Variants in KCNH1 observed in about 807,000 individuals in gnomAD.
KCNH1 encodes the protein potassium voltage-gated channel subfamily H member 1.
KCNH1 carries 27 observed loss-of-function variants against 69.2 expected under a neutral mutation model. The ratio of observed to expected loss-of-function variants is 0.39; its 90% confidence interval spans 0.29 to 0.54. KCNH1 has a LOEUF of 0.54. Among genes scored for constraint, KCNH1 ranks in the 20% least tolerant of loss-of-function variants. The probability of loss-of-function intolerance (pLI) is 0.68; values close to 1 mark genes in which losing one functional copy is unlikely to be tolerated. For synonymous variants in KCNH1, 456 were observed against 487.7 expected (o/e 0.93, Z 0.86); for missense variants, 798 against 1,261.6 (o/e 0.63, Z 5.57).
At chr1:210,927,710 C>A (rs1558528979) in intron 6 of KCNH1, among the ~76,000 whole-genome samples, 1 of 152,060 alleles carries the variant, frequency 6.6e-6, no homozygotes, top group Non-Finnish European at 1.5e-5. Flanking sequence ...CCTCAAATAT[C>A]AATACTAACA....
intron 7 of KCNH1, among the ~76,000 whole-genome samples, chr1:210,838,534 A>G (rs1219927479): frequency 1.3e-5 from 2 of 152,232 alleles, no homozygotes; most frequent in African/African-American, 2.4e-5. Flanking sequence ...GAAGATACCA[A>G]AAGCAACTGC....
chr1:210,907,551 A>G (rs949040530), intron 7 of KCNH1, among the ~76,000 whole-genome samples: 1 of 151,536 alleles, frequency 6.6e-6, no homozygotes, highest in Admixed American at 6.6e-5. Flanking sequence ...AGCAAGCTGA[A>G]TGGAAAAAGC....
chr1:210,983,391 C>T (rs374066189), intron 6 of KCNH1, among the ~76,000 whole-genome samples: 2 of 152,120 alleles, frequency 1.3e-5, no homozygotes, highest in Non-Finnish European at 2.9e-5. Context: ...TTCTAGGGTT[C>T]TTATGGTTTT....
intron 5 of KCNH1, among the ~76,000 whole-genome samples, chr1:211,027,713 T>C (rs561283145): frequency 4.1e-4 from 63 of 151,814 alleles, no homozygotes; most frequent in Non-Finnish European, 7.8e-4. Context: ...AGAAAGTATC[T>C]GAACAATAGA....
chr1:211,038,280 T>G (rs142173401), intron 5 of KCNH1, among the ~76,000 whole-genome samples: 2 of 152,222 alleles, frequency 1.3e-5, no homozygotes, highest in Non-Finnish European at 2.9e-5. Flanking sequence ...TCATTTTCTC[T>G]TGCTGCATTT....
At position 210,919,719 on chromosome 1, in the gene KCNH1, G is replaced by T. The variant is rs368522159; in HGVS notation, c.1383C>A (p.Leu461=). Residue 461 remains leucine, a synonymous_variant, in exon 7 of 11, where the codon CTC becomes CTA. Transcript: ENST00000271751. This position sits in a 1 kb window ranked among gnomAD's most constrained non-coding sequence, Gnocchi z 4.2. The stretch of plus-strand genomic sequence containing the variant: ...CGATGTTCCCAAAGCCCACACTGGT[G>T]AGGCTGGTCATTGTGAAATACAACG... ...ISSLYFTMTS[L]TSVGFGNIAP... The T allele has an allele frequency of 6.2e-6, 10 of 1,614,152 alleles. No individual in the cohort carries two copies. The highest frequency in any genetic ancestry group is 7.6e-6 in the Non-Finnish European group (9 of 1,179,998).
intron 10 of KCNH1, among the ~76,000 whole-genome samples, chr1:210,760,116 A>C (rs367738769): frequency 1.6e-3 from 242 of 152,252 alleles, no homozygotes; most frequent in African/African-American, 4.8e-3. Flanking sequence ...TTCATGGAAA[A>C]ATTGTCTTCC....
intron 5 of KCNH1, among the ~76,000 whole-genome samples, chr1:211,050,700 A>G (rs1379049574): frequency 6.6e-6 from 1 of 152,218 alleles, no homozygotes; most frequent in African/African-American, 2.4e-5. Context: ...ATGAAGAATT[A>G]GTGGTGAGGC....
At chr1:211,087,893 C>A (rs1690986025) in intron 4 of KCNH1, among the ~76,000 whole-genome samples, 1 of 152,124 alleles carries the variant, frequency 6.6e-6, no homozygotes, top group African/African-American at 2.4e-5. Flanking sequence ...TCCCCTGTGC[C>A]TGAGGCTCCG....
intron 3 of KCNH1, among the ~76,000 whole-genome samples, chr1:211,094,016 T>C (rs1691101718): frequency 6.6e-6 from 1 of 152,222 alleles, no homozygotes; most frequent in African/African-American, 2.4e-5. Flanking sequence ...CCTACAGGTA[T>C]AAACTACATC....
intron 7 of KCNH1, among the ~76,000 whole-genome samples, chr1:210,809,547 T>A (rs1684655292): frequency 6.6e-6 from 1 of 152,182 alleles, no homozygotes; most frequent in African/African-American, 2.4e-5. Context: ...ACAACTGAGT[T>A]TCATGCTTCC....
At chr1:211,076,190 A>G (rs1345926819) in intron 5 of KCNH1, among the ~76,000 whole-genome samples, 1 of 152,250 alleles carries the variant, frequency 6.6e-6, no homozygotes, top group African/African-American at 2.4e-5. Context: ...CAACTTCTGC[A>G]GACTTAAACA....
intron 6 of KCNH1, among the ~76,000 whole-genome samples, chr1:210,989,366 C>T (rs553568931): frequency 2.0e-5 from 3 of 152,314 alleles, no homozygotes; most frequent in African/African-American, 4.8e-5. Context: ...TGTGAGTTTT[C>T]TTGTTATAGC....
intron 6 of KCNH1, among the ~76,000 whole-genome samples, chr1:210,945,447 A>T (rs1049507376): frequency 6.6e-6 from 1 of 152,206 alleles, no homozygotes; most frequent in Non-Finnish European, 1.5e-5. Context: ...AAGATTATAA[A>T]GTGACTAAGT....
chr1:210,813,767 T>A (rs10465690), intron 7 of KCNH1, among the ~76,000 whole-genome samples: 21,536 of 152,196 alleles, frequency 0.14, 1,544 homozygotes, highest in Non-Finnish European at 0.15. Flanking sequence ...CTCACCCAAA[T>A]CTCATCTTGA....
intron 10 of KCNH1, among the ~76,000 whole-genome samples, chr1:210,767,756 A>G (rs998018409): frequency 2.0e-5 from 3 of 152,176 alleles, no homozygotes; most frequent in African/African-American, 7.2e-5. Flanking sequence ...AAATATTATT[A>G]AGGATGCTAC....
chr1:210,913,032 G>T (rs532360253), intron 7 of KCNH1, among the ~76,000 whole-genome samples: 1 of 152,354 alleles, frequency 6.6e-6, no homozygotes, highest in African/African-American at 2.4e-5. Flanking sequence ...GTGACAGAGG[G>T]TTATGAACAG....
rs151058062 is a variant in KCNH1, at chr1:210,963,348, C to A, written c.1033-43279G>T. Among the ~76,000 whole-genome samples the A allele has an allele frequency of 8.2e-3, 1,235 of 151,004 alleles. 15 individuals are homozygous for A. The highest frequency in any genetic ancestry group is 0.026 in the African/African-American group (1,079 of 41,172). On this transcript the variant is annotated intron_variant, in intron 6 of 10. Coordinates refer to ENST00000271751, the MANE Select transcript of KCNH1 (RefSeq NM_172362.3). ...ATGGGGAGAAATCAGTGCAAAAACACTGAAAATTCCAAAAAGCAGAATGCC... is the reference window on the plus strand; with the variant it reads ...ATGGGGAGAAATCAGTGCAAAAACAATGAAAATTCCAAAAAGCAGAATGCC...
intron 8 of KCNH1, among the ~76,000 whole-genome samples, chr1:210,799,288 T>C (rs546350057): frequency 1.3e-5 from 2 of 152,296 alleles, no homozygotes; most frequent in Admixed American, 6.5e-5. Context: ...TCGCCAAAAA[T>C]TGCCAGGATA....
Sources: gnomAD v4.1 joint callset for allele counts (sites outside exome capture counted in the v4.1 genomes callset) on GRCh38, gnomAD v4.1.1 for gene constraint, Gnocchi (gnomAD v3.1) non-coding constraint, MANE v1.5 for transcripts, NCBI Gene and HGNC (gene_info 2026-07-23, HGNC 2026-07-21) for gene names.